Variants in CYFIP1 observed in about 807,000 individuals in gnomAD.
The protein encoded by CYFIP1 is cytoplasmic FMR1-interacting protein 1.
A neutral mutation model predicts 163.5 loss-of-function variants in CYFIP1; 58 were observed. That is an observed-to-expected ratio of 0.35 (90% CI 0.29 to 0.44). The LOEUF (loss-of-function observed/expected upper bound fraction) is 0.44. Among genes scored for constraint, CYFIP1 ranks in the 20% least tolerant of loss-of-function variants. The pLI, the probability that CYFIP1 is intolerant of heterozygous loss-of-function variation, is 1.00. For synonymous variants in CYFIP1, 663 were observed against 660.7 expected, an observed-to-expected ratio of 1.00 and a Z score of -0.05; for missense variants, 1,338 against 1,653.8, an observed-to-expected ratio of 0.81 and a Z score of 3.31.
intron 21 of CYFIP1, chr15:22,904,556 A>G (rs1595560014): frequency 6.5e-6 from 1 of 153,338 alleles, no homozygotes. Context: ...TGGTGAATTA[A>G]TATGGGGATA....
chr15:22,978,352 C>CAA (rs397976366), intron 1 of CYFIP1, among the ~76,000 whole-genome samples: 2,313 of 52,768 alleles, frequency 0.044, 361 homozygotes, highest in Non-Finnish European at 0.06. Context: ...GACTCTGTCA[C>CAA]AAAAAAAAAA....
intron 1 of CYFIP1, among the ~76,000 whole-genome samples, chr15:22,957,613 G>A (rs7168840): frequency 0.74 from 112,626 of 151,618 alleles, 42,345 homozygotes; most frequent in East Asian, 0.86. Flanking sequence ...TCCAGCCTGG[G>A]CGACAGAGCA....
chr15:22,947,457 G>C, intron 1 of CYFIP1, 166 bp from the exon 2 acceptor site: 1 of 912,580 alleles, frequency 1.1e-6, no homozygotes, highest in South Asian at 1.9e-5. Flanking sequence ...GTCTCTCTCA[G>C]GGCACGTGGG....
At chr15:22,877,696 G>T (rs2059625858) in intron 26 of CYFIP1, among the ~76,000 whole-genome samples, 1 of 152,182 alleles carries the variant, frequency 6.6e-6, no homozygotes, top group Admixed American at 6.5e-5. Flanking sequence ...CAGTGGTGAG[G>T]GGAGCATGGG....
intron 1 of CYFIP1, among the ~76,000 whole-genome samples, chr15:22,967,626 C>T (rs956135444): frequency 6.6e-6 from 1 of 152,184 alleles, no homozygotes; most frequent in Non-Finnish European, 1.5e-5. Flanking sequence ...GCACATCTGC[C>T]CTCCACCTGG....
chr15:22,875,647 G>C (rs1307551609), intron 26 of CYFIP1, among the ~76,000 whole-genome samples: 1 of 151,900 alleles, frequency 6.6e-6, no homozygotes, highest in Non-Finnish European at 1.5e-5. Context: ...TTTGCCACCA[G>C]GCTCTTAAGA....
chr15:22,911,243 C>A (rs2060778703), intron 18 of CYFIP1, among the ~76,000 whole-genome samples: 1 of 152,162 alleles, frequency 6.6e-6, no homozygotes, highest in Admixed American at 6.5e-5. Flanking sequence ...ACTAAATAAA[C>A]TGCAGTGTGG....
chr15:22,881,968 C>A, intron 24 of CYFIP1, 32 bp from the exon 25 acceptor site: 1 of 1,590,584 alleles, frequency 6.3e-7, no homozygotes, highest in Non-Finnish European at 8.6e-7. Context: ...CTGCGTCAGC[C>A]ACCCCACTCC....
Position 22,871,449 on chromosome 15 carries a change from TTAAC to T in CYFIP1, c.3598-1261_3598-1258del, listed in dbSNP as rs1317078316. Among the ~76,000 whole-genome samples the T allele has an allele frequency of 5.3e-5, 8 of 152,264 alleles. No individual in the cohort carries two copies. In the East Asian group the frequency reaches 1.5e-3, roughly 29 times the overall value. ...GCAGATTAGAGCTGAAGTAAACAAGTTAACTAAGACACATGAATACAGTATCTGG... is the reference window on the plus strand; with the variant it reads ...GCAGATTAGAGCTGAAGTAAACAAGTTAAGACACATGAATACAGTATCTGG... On this transcript the variant is annotated intron_variant, in intron 30 of 30. Coordinates refer to ENST00000617928, the MANE Select transcript of CYFIP1 (RefSeq NM_014608.6).
rs2061847932 is a variant in CYFIP1, at chr15:22,940,053, C to G, written c.570-546G>C. ...TGTAGCTACACCCGTACGTGAGGCC[C>G]AACAATACAATACTGCAAGGCCATG... On this transcript the variant is annotated intron_variant, in intron 6 of 30. Coordinates refer to ENST00000617928, the MANE Select transcript of CYFIP1 (RefSeq NM_014608.6). 2.0e-5 allele frequency among the ~76,000 whole-genome samples: 3 copies of G among 152,128 alleles called. 1 individual carries two copies. The highest frequency in any genetic ancestry group is 7.2e-5 in the African/African-American group (3 of 41,426).
chr15:22,932,980 G>C (rs1566992030), intron 10 of CYFIP1, among the ~76,000 whole-genome samples: 1 of 151,616 alleles, frequency 6.6e-6, no homozygotes, highest in Non-Finnish European at 1.5e-5. Context: ...CTACAGGCGT[G>C]TGCCACCATG....
chr15:22,915,323 C>T (rs2060936861), intron 16 of CYFIP1, among the ~76,000 whole-genome samples: 1 of 152,026 alleles, frequency 6.6e-6, no homozygotes. Flanking sequence ...GGGGGTCTCG[C>T]CATGTTGCCC....
chr15:22,955,531 G>A (rs550224551), intron 1 of CYFIP1, among the ~76,000 whole-genome samples: 2 of 109,944 alleles, frequency 1.8e-5, no homozygotes, highest in East Asian at 6.2e-4. Context: ...GGCTGGGGAG[G>A]CAGGGGAGCA....
Position 22,947,292 on chromosome 15 carries a change from C to G in CYFIP1, c.-6-1G>C. ...GAGTCACCTGGGCCGCCATCCTGGG[C>G]TGGAACAACACATAAGGACCCCTGT... On this transcript the variant is annotated splice_acceptor_variant, in intron 1 of 30. Transcript: ENST00000617928. LOFTEE classifies it low-confidence loss of function (5UTR_SPLICE). 6.2e-7 allele frequency: 1 copy of G among 1,613,360 alleles called. No individual in the cohort carries two copies. The highest frequency in any genetic ancestry group is 8.5e-7 in the Non-Finnish European group (1 of 1,179,676).
At chr15:22,914,394 C>G (rs993889288) in intron 17 of CYFIP1, among the ~76,000 whole-genome samples, 11 of 151,810 alleles carry the variant, frequency 7.2e-5, no homozygotes, top group Admixed American at 7.2e-4. Flanking sequence ...GTATTAATCT[C>G]TAAAGCTTTA....
intron 1 of CYFIP1, among the ~76,000 whole-genome samples, chr15:22,961,187 A>AG (rs1237881375): frequency 6.6e-6 from 1 of 150,836 alleles, no homozygotes; most frequent in African/African-American, 2.4e-5. Flanking sequence ...ATGCCGGGCT[A>AG]ATGTTTGTAT....
intron 11 of CYFIP1, among the ~76,000 whole-genome samples, chr15:22,930,511 C>T (rs7176977): frequency 0.46 from 69,608 of 151,692 alleles, 16,332 homozygotes; most frequent in Middle Eastern, 0.63. Flanking sequence ...CAAGACCACA[C>T]ACATGATGGT....
At chr15:22,884,965 G>A (rs1249527898) in intron 23 of CYFIP1, among the ~76,000 whole-genome samples, 1 of 151,548 alleles carries the variant, frequency 6.6e-6, no homozygotes, top group Non-Finnish European at 1.5e-5. Context: ...CGGGGATGGG[G>A]GGTGGGGTGG....
intron 8 of CYFIP1, among the ~76,000 whole-genome samples, chr15:22,938,894 C>G (rs1184968777): frequency 6.7e-6 from 1 of 149,488 alleles, no homozygotes; most frequent in Non-Finnish European, 1.5e-5. Flanking sequence ...GAGCAACACC[C>G]TGCCTTGAGA....
Sources: allele counts gnomAD v4.1 joint callset (sites outside exome capture counted in the v4.1 genomes callset), GRCh38; gene constraint gnomAD v4.1.1; transcripts MANE v1.5; gene names NCBI Gene and HGNC (gene_info 2026-07-23, HGNC 2026-07-21).